REDIC1: variants seen among roughly 807,000 people sequenced by gnomAD.
REDIC1 encodes the protein regulator of DNA class I crossover intermediates 1, also known as HEI10 Interacting Protein 1.
chr12:39,626,240 G>C, the REDIC1 span: 1 of 1,378,928 alleles, frequency 7.3e-7, no homozygotes, highest in Non-Finnish European at 1.0e-6. Context: ...ACGTTGTCAG[G>C]AGGCCCTGGG....
the REDIC1 span, among the ~76,000 whole-genome samples, chr12:39,875,817 T>C: frequency 6.6e-6 from 1 of 152,196 alleles, no homozygotes; most frequent in Non-Finnish European, 1.5e-5. Flanking sequence ...AATGTTTTCA[T>C]AAATAATGAT....
the REDIC1 span, among the ~76,000 whole-genome samples, chr12:39,877,009 TA>T: frequency 6.6e-6 from 1 of 152,188 alleles, no homozygotes; most frequent in African/African-American, 2.4e-5. Context: ...TAAATATATA[TA>T]TTTTTTGGTA....
At chr12:39,855,183 T>C in the REDIC1 span, among the ~76,000 whole-genome samples, 1 of 152,238 alleles carries the variant, frequency 6.6e-6, no homozygotes, top group Non-Finnish European at 1.5e-5. Context: ...TGTTACTTAA[T>C]GTGTTAATAA....
chr12:39,877,019 T>C, the REDIC1 span, among the ~76,000 whole-genome samples: 1 of 152,170 alleles, frequency 6.6e-6, no homozygotes, highest in Non-Finnish European at 1.5e-5. Flanking sequence ...TATTTTTTGG[T>C]ACCATATGCC....
the REDIC1 span, among the ~76,000 whole-genome samples, chr12:39,656,036 C>T: frequency 2.0e-5 from 3 of 152,006 alleles, no homozygotes; most frequent in Non-Finnish European, 4.4e-5. Context: ...GGGATAAATC[C>T]CACCTGTCAC....
At chr12:39,674,897 G>C in the REDIC1 span, among the ~76,000 whole-genome samples, 1 of 152,222 alleles carries the variant, frequency 6.6e-6, no homozygotes, top group Non-Finnish European at 1.5e-5. Context: ...TTCATGAGCA[G>C]AATCTTGGCG....
At chr12:39,704,559 A>G in the REDIC1 span, among the ~76,000 whole-genome samples, 1 of 152,250 alleles carries the variant, frequency 6.6e-6, no homozygotes, top group Non-Finnish European at 1.5e-5. Context: ...TGACCCAGCC[A>G]TCCCATTACT....
chr12:39,741,107 C>G, the REDIC1 span, among the ~76,000 whole-genome samples: 3 of 152,148 alleles, frequency 2.0e-5, no homozygotes, highest in South Asian at 2.1e-4. Flanking sequence ...GCTGGGATTA[C>G]TGGGCTTCCT....
chr12:39,905,930 G>A, the REDIC1 span, among the ~76,000 whole-genome samples: 1 of 151,384 alleles, frequency 6.6e-6, no homozygotes, highest in Non-Finnish European at 1.5e-5. Context: ...AAAAATTTCT[G>A]TCAGGTTACA....
the REDIC1 span, among the ~76,000 whole-genome samples, chr12:39,687,225 T>C: frequency 6.6e-6 from 1 of 152,208 alleles, no homozygotes; most frequent in African/African-American, 2.4e-5. Context: ...CATTTTCAGG[T>C]ATCTTTATAT....
At chr12:39,889,323 T>C in the REDIC1 span, among the ~76,000 whole-genome samples, 2 of 152,008 alleles carry the variant, frequency 1.3e-5, no homozygotes, top group Non-Finnish European at 2.9e-5. Context: ...TCTTTCAGGA[T>C]TTATATATCT....
At chr12:39,898,153 TAG>T in the REDIC1 span, among the ~76,000 whole-genome samples, 1 of 152,178 alleles carries the variant, frequency 6.6e-6, no homozygotes, top group African/African-American at 2.4e-5. Context: ...TTTCCATTTG[TAG>T]AAGTATTCCC....
the REDIC1 span, among the ~76,000 whole-genome samples, chr12:39,903,782 AT>A: frequency 2.0e-5 from 3 of 152,114 alleles, no homozygotes. Context: ...AGTTATGAGA[AT>A]CAAATAATTC....
At chr12:39,877,147 C>G in the REDIC1 span, among the ~76,000 whole-genome samples, 3 of 152,042 alleles carry the variant, frequency 2.0e-5, no homozygotes, top group African/African-American at 7.2e-5. Flanking sequence ...ACAAGGATAA[C>G]TCTATTAGTC....
At chr12:39,850,963 G>A in the REDIC1 span, among the ~76,000 whole-genome samples, 3 of 151,260 alleles carry the variant, frequency 2.0e-5, no homozygotes, top group South Asian at 2.1e-4. Context: ...GCAGTGGTGC[G>A]ATTTCAGCTC....
At chr12:39,830,689 T>C in the REDIC1 span, among the ~76,000 whole-genome samples, 1 of 151,972 alleles carries the variant, frequency 6.6e-6, no homozygotes, top group South Asian at 2.1e-4. Flanking sequence ...CTAATACATA[T>C]CCTGAAAAAG....
chr12:39,835,043 G>A, the REDIC1 span, among the ~76,000 whole-genome samples: 1 of 151,996 alleles, frequency 6.6e-6, no homozygotes, highest in Non-Finnish European at 1.5e-5. Flanking sequence ...ATTTCGGTAA[G>A]GTTTTCTAAA....
chr12:39,724,287 G>A, the REDIC1 span, among the ~76,000 whole-genome samples: 1 of 152,228 alleles, frequency 6.6e-6, no homozygotes, highest in Admixed American at 6.5e-5. Flanking sequence ...GTTGGGAACT[G>A]GTTAGTAATT....
the REDIC1 span, among the ~76,000 whole-genome samples, chr12:39,653,585 C>CTTCTTCCTTCTTCTTCTTT: frequency 2.7e-5 from 2 of 75,218 alleles, 1 homozygote; most frequent in South Asian, 9.3e-4. Flanking sequence ...TCTTCCTCTT[C>CTTCTTCCTTCTTCTTCTTT]TTCTTCCTCT....
Sources: allele counts gnomAD v4.1 joint callset (sites outside exome capture counted in the v4.1 genomes callset), GRCh38; gene constraint gnomAD v4.1.1; transcripts MANE v1.5; gene names NCBI Gene and HGNC (gene_info 2026-07-23, HGNC 2026-07-21).